Variants in TTC4 observed in about 807,000 individuals in gnomAD.
The protein encoded by TTC4 is hsp70/Hsp90 co-chaperone CNS1 homolog.
TTC4 carries 36 observed loss-of-function variants against 51.9 expected under a neutral mutation model. That is an observed-to-expected ratio of 0.69 (90% confidence interval 0.53 to 0.92). The LOEUF (loss-of-function observed/expected upper bound fraction) is 0.92. Ranked by LOEUF, TTC4 falls within the 40% of genes least tolerant of loss-of-function variation. The probability of loss-of-function intolerance (pLI) is 0.00; values close to 1 mark genes in which losing one functional copy is unlikely to be tolerated. For synonymous variants in TTC4, 144 were observed against 164.2 expected (o/e 0.88, Z 0.94); for missense variants, 399 against 454.6 (o/e 0.88, Z 1.11).
At chr1:54,720,896 T>A (rs1299554086) in intron 3 of TTC4, among the ~76,000 whole-genome samples, 2 of 152,218 alleles carry the variant, frequency 1.3e-5, no homozygotes, top group Non-Finnish European at 2.9e-5. Flanking sequence ...TGTCTAACTT[T>A]TAGCAATTTC....
rs1245404995 is a variant in TTC4 at position 54,715,981 on chromosome 1, C to G, written c.73C>G (p.Pro25Ala). The G allele has an allele frequency of 6.2e-7, 1 of 1,602,138 alleles. No individual in the cohort carries two copies. The highest frequency in any genetic ancestry group is 1.3e-5 in the African/African-American group (1 of 74,686). The change falls in exon 1 of 10, where the codon CCT becomes GCT. Residue 25 changes from proline to alanine, a missense_variant. Physicochemically the swap from Pro to Ala is conservative, Grantham distance 27. Transcript: ENST00000371281. Reference sequence around the variant, plus strand: ...GTTCCTGGAAAAGTTCCAGAGCCAGCCTTACCGTGGCGGCTTTCATGAGGA... The same window carrying G: ...GTTCCTGGAAAAGTTCCAGAGCCAGGCTTACCGTGGCGGCTTTCATGAGGA... Reference protein sequence around the residue: ...DSFLEKFQSQPYRGGFHEDQW... With the variant: ...DSFLEKFQSQAYRGGFHEDQW...
chr1:54,723,719 G>C (rs1396706709), intron 5 of TTC4, among the ~76,000 whole-genome samples: 1 of 152,206 alleles, frequency 6.6e-6, no homozygotes, highest in Non-Finnish European at 1.5e-5. Context: ...ATATAGTTTA[G>C]ATGGTTTAAC....
Position 54,741,594 on chromosome 1 carries a change from T to C in TTC4, c.*81T>C. ...CACCTGAATCAGCTGGACATACTGC[T>C]GGAGTCCAGTGCTTTCTTTCCGTCA... is the stretch of plus-strand genomic sequence containing the variant. On this transcript the variant is annotated 3_prime_UTR_variant, in exon 10 of 10. Transcript: ENST00000371281. The C allele has an allele frequency of 1.7e-6, 2 of 1,155,662 alleles. No individual in the cohort carries two copies. Among genetic ancestry groups the C allele is most frequent in the Admixed American group, 1.8e-5 (1 of 55,988 alleles). 71.6% of individuals were successfully genotyped at this position (1,155,662 alleles called of 1,614,324 possible).
intron 3 of TTC4, among the ~76,000 whole-genome samples, chr1:54,717,933 G>A (rs1257983988): frequency 6.6e-6 from 1 of 152,124 alleles, no homozygotes; most frequent in Admixed American, 6.6e-5. Context: ...TTGAGCCCAA[G>A]GGCTTCTACT....
rs1299615852 is a variant in TTC4 at position 54,742,481 on chromosome 1, T to C, written c.*968T>C. ...CTCTTCCCTCTGCTGTGAGAACACATTTCCCACAGAGGAGCCGTTCCATGG... is the reference window on the plus strand; with the variant it reads ...CTCTTCCCTCTGCTGTGAGAACACACTTCCCACAGAGGAGCCGTTCCATGG... On this transcript the variant is annotated 3_prime_UTR_variant, in exon 10 of 10. Transcript: ENST00000371281. The C allele has an allele frequency of 6.6e-6, 1 of 152,278 alleles. No homozygotes were observed. The highest frequency in any genetic ancestry group is 1.5e-5 in the Non-Finnish European group (1 of 68,092). 9.4% of individuals were successfully genotyped at this position (152,278 alleles called of 1,614,324 possible).
At position 54,741,637 on chromosome 1, in the gene TTC4, C is replaced by T. The variant is rs1646012990; in HGVS notation, c.*124C>T. 3 of 807,324 alleles carry T rather than the reference C, an allele frequency of 3.7e-6. No individual in the cohort carries two copies. In the Admixed American group the frequency reaches 7.7e-5, roughly 21 times the overall value. 50.0% of individuals were successfully genotyped at this position (807,324 alleles called of 1,614,324 possible). On this transcript the variant is annotated 3_prime_UTR_variant, in exon 10 of 10. Transcript: ENST00000371281. The stretch of plus-strand genomic sequence containing the variant: ...TTCCGTCACCCTGGGGATAGTCCTT[C>T]CTGGCATCGTGGTGGGGGAGGAGCC...
intron 6 of TTC4, among the ~76,000 whole-genome samples, chr1:54,730,792 CTT>C (rs201613633): frequency 1.2e-4 from 16 of 136,976 alleles, no homozygotes; most frequent in African/African-American, 1.1e-4. Context: ...TTTGACATTT[CTT>C]TTTTTTTTTT....
At chr1:54,718,779 T>G (rs868338400) in intron 3 of TTC4, among the ~76,000 whole-genome samples, 16 of 151,932 alleles carry the variant, frequency 1.1e-4, no homozygotes, top group African/African-American at 3.4e-4. Flanking sequence ...GACCTGTGGG[T>G]TTTTTTTAAA....
intron 5 of TTC4, among the ~76,000 whole-genome samples, 160 bp downstream of exon 5, chr1:54,722,959 T>C (rs1436880370): frequency 6.6e-6 from 1 of 152,192 alleles, no homozygotes; most frequent in East Asian, 1.9e-4. Context: ...TAAACAGTTA[T>C]AGTGTGATAT....
intron 9 of TTC4, among the ~76,000 whole-genome samples, chr1:54,738,660 CCTT>C (rs546930927): frequency 6.5e-4 from 85 of 130,142 alleles, no homozygotes; most frequent in Non-Finnish European, 1.1e-3. Flanking sequence ...GCTAGGATGG[CCTT>C]TTTTTTTTTT....
intron 2 of TTC4, 33 bp from the exon 3 acceptor site, chr1:54,717,459 A>G (rs3766415): frequency 0.066 from 95,949 of 1,462,854 alleles, 4,427 homozygotes; most frequent in South Asian, 0.18. Context: ...TTAAAAAGTA[A>G]GCAATAGTGA....
At position 54,741,572 on chromosome 1, in the gene TTC4, C is replaced by A; in HGVS notation, c.*59C>A. On this transcript the variant is annotated 3_prime_UTR_variant, in exon 10 of 10. Transcript: ENST00000371281. Reference sequence around the variant, plus strand: ...CTCCTCTGCTGGGAACCTAGCACACCTGAATCAGCTGGACATACTGCTGGA... The same window carrying A: ...CTCCTCTGCTGGGAACCTAGCACACATGAATCAGCTGGACATACTGCTGGA... 1.5e-6 allele frequency: 2 copies of A among 1,346,446 alleles called. No homozygotes were observed. The highest frequency in any genetic ancestry group is 1.1e-6 in the Non-Finnish European group (1 of 937,886). The allele number at this position is 1,346,446 out of a possible 1,614,324, so 83.4% of individuals were successfully genotyped here.
chr1:54,733,540 T>G, intron 7 of TTC4, 89 bp from the exon 8 acceptor site: 1 of 1,005,230 alleles, frequency 9.9e-7, no homozygotes, highest in Non-Finnish European at 1.5e-6. Flanking sequence ...TTATACATTC[T>G]AGATAACTTT....
intron 7 of TTC4, among the ~76,000 whole-genome samples, chr1:54,733,410 C>A (rs964599490): frequency 6.8e-6 from 1 of 147,016 alleles, no homozygotes; most frequent in East Asian, 2.0e-4. Flanking sequence ...CAGAGCGAGA[C>A]CCTGTCTCAA....
Position 54,731,594 on chromosome 1 carries a change from G to C in TTC4, c.790G>C (p.Ala264Pro), listed in dbSNP as rs138380658. 48 of 1,614,126 alleles carry C rather than the reference G, an allele frequency of 3.0e-5. No individual in the cohort carries two copies. In the Middle Eastern group the frequency reaches 6.6e-4, roughly 22 times the overall value. The change falls in exon 7 of 10, where the codon GCC becomes CCC. Residue 264 changes from alanine to proline, a missense_variant. By Grantham distance (27) the Ala-to-Pro change is conservative. Coordinates refer to ENST00000371281, the MANE Select transcript of TTC4 (RefSeq NM_004623.5). ...ACTCAGCACTGAGAACCCCCATGGA[G>C]CCAGGCTGAGTCTAGATGGCCAGGG... ...DGLSTENPHGARLSLDGQGRL... is the reference protein window; with the variant it reads ...DGLSTENPHGPRLSLDGQGRL...
chr1:54,733,967 A>G (rs745972097), intron 8 of TTC4, among the ~76,000 whole-genome samples: 16 of 152,312 alleles, frequency 1.1e-4, no homozygotes, highest in Non-Finnish European at 2.1e-4. Context: ...TAAGTACTTC[A>G]TATAAGTGGA....
In TTC4 at chr1:54,742,608, A is replaced by G. The variant is rs139115973; in HGVS notation, c.*1095A>G. On this transcript the variant is annotated 3_prime_UTR_variant, in exon 10 of 10. Transcript: ENST00000371281. ...TGAGATTTAGGGGTTGGTTGTTACT[A>G]TAGCAGAGCTAATACATGAGTAAAC... 2.1e-4 allele frequency: 32 copies of G among 152,382 alleles called. No individual in the cohort carries two copies. Among genetic ancestry groups the G allele is most frequent in the African/African-American group, 7.2e-4 (30 of 41,584 alleles). The allele number at this position is 152,382 out of a possible 1,614,324, so 9.4% of individuals were successfully genotyped here.
intron 1 of TTC4, 136 bp from the exon 2 acceptor site, chr1:54,716,464 G>A (rs2101285940): frequency 1.5e-5 from 10 of 665,404 alleles, no homozygotes; most frequent in East Asian, 2.6e-5. Flanking sequence ...GAAGGGAAGC[G>A]GAGGCCTGAA....
At chr1:54,720,026 G>A (rs1645724407) in intron 3 of TTC4, among the ~76,000 whole-genome samples, 1 of 151,724 alleles carries the variant, frequency 6.6e-6, no homozygotes, top group African/African-American at 2.4e-5. Context: ...TGCCTCCCGA[G>A]TAGGTAGAAC....
Sources: allele counts gnomAD v4.1 joint callset (sites outside exome capture counted in the v4.1 genomes callset), GRCh38; gene constraint gnomAD v4.1.1; transcripts MANE v1.5; gene names NCBI Gene and HGNC (gene_info 2026-07-23, HGNC 2026-07-21).